Variants in PLEKHA1 observed in about 807,000 individuals in gnomAD.
PLEKHA1 encodes pleckstrin homology domain containing A1.
In PLEKHA1, 34 loss-of-function variants were observed where a neutral mutation model predicts 52.0. The observed-to-expected ratio is 0.65, with a 90% CI of 0.50 to 0.87. PLEKHA1 has a LOEUF of 0.87. Ranked by LOEUF, PLEKHA1 falls within the 40% of genes least tolerant of loss-of-function variation. The probability of loss-of-function intolerance (pLI) is 0.00; values close to 1 mark genes in which losing one functional copy is unlikely to be tolerated. For synonymous variants in PLEKHA1, 163 were observed against 170.7 expected, an observed-to-expected ratio of 0.95 and a Z score of 0.35; for missense variants, 497 against 504.2, an observed-to-expected ratio of 0.99 and a Z score of 0.14.
At chr10:122,435,433 G>C (rs969111316), downstream of PLEKHA1, 1 of 151,994 alleles carries the variant, frequency 6.6e-6, no homozygotes, top group Non-Finnish European at 1.5e-5. Context: ...GCCACCTTCT[G>C]GTTATATCAT....
intron 5 of PLEKHA1, among the ~76,000 whole-genome samples, chr10:122,408,756 A>G (rs932681522): frequency 4.6e-5 from 7 of 152,154 alleles, no homozygotes; most frequent in African/African-American, 7.2e-5. Context: ...TTATACATTT[A>G]AGTGTATTAA....
At chr10:122,377,547 C>G (rs551743090) in intron 1 of PLEKHA1, among the ~76,000 whole-genome samples, 1 of 152,260 alleles carries the variant, frequency 6.6e-6, no homozygotes, top group East Asian at 1.9e-4. Context: ...GAAAGGAATG[C>G]TTTCAGAAAG....
intron 1 of PLEKHA1, among the ~76,000 whole-genome samples, chr10:122,376,661 C>T (rs1037668449): frequency 2.0e-5 from 3 of 151,718 alleles, no homozygotes; most frequent in Non-Finnish European, 2.9e-5. Flanking sequence ...TTTTTTTCTC[C>T]CCAGTTTTAG....
intron 4 of PLEKHA1, among the ~76,000 whole-genome samples, chr10:122,404,641 T>C (rs1185916457): frequency 2.0e-5 from 3 of 152,244 alleles, no homozygotes; most frequent in Non-Finnish European, 2.9e-5. Flanking sequence ...CCTAGTGAAT[T>C]ATGGATTTAT....
At chr10:122,392,639 A>G (rs1043637774) in intron 1 of PLEKHA1, among the ~76,000 whole-genome samples, 2 of 152,112 alleles carry the variant, frequency 1.3e-5, no homozygotes, top group African/African-American at 4.8e-5. Context: ...TAGTTTTGGA[A>G]TTTTGGAAAA....
chr10:122,413,012 T>G lies in PLEKHA1; in HGVS notation c.435T>G (p.Ile145Met). The G allele has an allele frequency of 1.2e-6, 2 of 1,613,482 alleles. No homozygotes were observed. The highest frequency in any genetic ancestry group is 1.7e-6 in the Non-Finnish European group (2 of 1,179,558). Residue 145 changes from isoleucine (I) to methionine (M), a missense_variant, in exon 6 of 12, where the codon ATT (isoleucine) becomes ATG (methionine). Physicochemically the swap from Ile to Met is conservative, Grantham distance 10 (BLOSUM62 1). Transcript: ENST00000368990. ...AGCAAGTGTCTTACAGAACTGATAT[T>G]GTTGGTGGCGTACCCATCATTACTC... ...GKKQVSYRTD[I>M]VGGVPIITPT... is the part of the protein sequence containing the mutation.
At chr10:122,435,139 A>G (rs1287528172), downstream of PLEKHA1, 1 of 152,170 alleles carries the variant, frequency 6.6e-6, no homozygotes, top group African/African-American at 2.4e-5. Context: ...TACCTTTATC[A>G]AAAGTTCTGT....
downstream of PLEKHA1, chr10:122,436,905 G>A (rs796360004): frequency 6.6e-5 from 10 of 151,074 alleles, no homozygotes; most frequent in African/African-American, 2.4e-4. Context: ...CCGAACTGTG[G>A]TATGTATACC....
At chr10:122,417,054 G>A (rs942829231) in intron 7 of PLEKHA1, 4 of 152,964 alleles carry the variant, frequency 2.6e-5, no homozygotes, top group South Asian at 2.1e-4. Context: ...TAGCCTGATG[G>A]TTCCTTTTTG....
intron 8 of PLEKHA1, chr10:122,422,634 A>G (rs779653463): frequency 6.6e-6 from 1 of 152,258 alleles, no homozygotes; most frequent in Non-Finnish European, 1.5e-5. Context: ...ACTATTCCAC[A>G]GTTAAAGGCG....
chr10:122,413,688 A>G (rs960533961), intron 6 of PLEKHA1, among the ~76,000 whole-genome samples: 2 of 152,148 alleles, frequency 1.3e-5, no homozygotes, highest in Non-Finnish European at 2.9e-5. Flanking sequence ...ATAAATTTAC[A>G]TACAATTTTT....
rs112386743 is a variant in PLEKHA1, at chr10:122,392,735, C to T, written c.-20-446C>T. 7.3e-3 allele frequency among the ~76,000 whole-genome samples: 1,109 copies of T among 152,230 alleles called. 20 individuals carry two copies. The highest frequency in any genetic ancestry group is 0.025 in the African/African-American group (1,036 of 41,542). On this transcript the variant is annotated intron_variant, in intron 1 of 11. Coordinates refer to ENST00000368990, the MANE Select transcript of PLEKHA1 (RefSeq NM_001001974.4). ...TTGTTTAGAAGATTAAAAGAGTTAA[C>T]ATATGGAAAAGAACCTTGTACAGAG...
intron 6 of PLEKHA1, among the ~76,000 whole-genome samples, chr10:122,413,897 A>G (rs1176587801): frequency 6.6e-6 from 1 of 152,112 alleles, no homozygotes; most frequent in Admixed American, 6.6e-5. Flanking sequence ...TAAATCTTTT[A>G]AATCAAATTG....
intron 11 of PLEKHA1, among the ~76,000 whole-genome samples, chr10:122,427,866 T>TAA (rs1224056829): frequency 6.6e-6 from 1 of 152,256 alleles, no homozygotes; most frequent in Admixed American, 6.5e-5. Context: ...ATATGCTAGT[T>TAA]ACTTACACTT....
chr10:122,378,916 T>C (rs2096576021), intron 1 of PLEKHA1, among the ~76,000 whole-genome samples: 1 of 152,180 alleles, frequency 6.6e-6, no homozygotes, highest in Non-Finnish European at 1.5e-5. Context: ...GCTCCTGGGA[T>C]ACTTCTTTCC....
At chr10:122,407,506 C>G (rs1395994365) in intron 5 of PLEKHA1, among the ~76,000 whole-genome samples, 1 of 152,180 alleles carries the variant, frequency 6.6e-6, no homozygotes, top group African/African-American at 2.4e-5. Flanking sequence ...AGCCCGAACT[C>G]TGAAGTGCAG....
At chr10:122,388,809 G>GT (rs2096736508) in intron 1 of PLEKHA1, among the ~76,000 whole-genome samples, 1 of 152,188 alleles carries the variant, frequency 6.6e-6, no homozygotes, top group South Asian at 2.1e-4. Flanking sequence ...GTTGCTGAAG[G>GT]TAGGGGTGGC....
At chr10:122,397,884 G>A (rs772547643) in intron 2 of PLEKHA1, 34 bp from the exon 3 acceptor site, 10 of 1,447,852 alleles carry the variant, frequency 6.9e-6, no homozygotes, top group Non-Finnish European at 9.6e-6. Flanking sequence ...TCATAATATT[G>A]GATATTAAGT....
chr10:122,375,133 G>A (rs1389438862), intron 1 of PLEKHA1, among the ~76,000 whole-genome samples: 1 of 151,612 alleles, frequency 6.6e-6, no homozygotes, highest in Middle Eastern at 3.4e-3. Flanking sequence ...GGCGCCCGGC[G>A]GGGGAGGGCG....
Sources: allele counts gnomAD v4.1 joint callset (sites outside exome capture counted in the v4.1 genomes callset), GRCh38; gene constraint gnomAD v4.1.1; transcripts MANE v1.5; gene names NCBI Gene and HGNC (gene_info 2026-07-23, HGNC 2026-07-21).